Variants in MCTP1 observed in about 807,000 individuals in gnomAD.
The protein encoded by MCTP1 is multiple C2 and transmembrane domain-containing protein 1.
MCTP1 carries 69 observed loss-of-function variants against 120.6 expected under a neutral mutation model. The observed-to-expected ratio is 0.57, with a 90% CI of 0.47 to 0.70. The LOEUF is 0.70. Among genes scored for constraint, MCTP1 ranks in the 30% least tolerant of loss-of-function variants. The pLI is 0.00. For missense variants in MCTP1, 1,203 were observed against 1,248.8 expected (o/e 0.96, Z 0.55); for synonymous variants, 529 against 493.1 (o/e 1.07, Z -0.96).
chr5:95,089,951 T>C (rs1755716118), intron 1 of MCTP1, among the ~76,000 whole-genome samples: 1 of 152,182 alleles, frequency 6.6e-6, no homozygotes, highest in Non-Finnish European at 1.5e-5. Context: ...CCTGGTCTCA[T>C]TGTTGATTGA....
At chr5:95,114,890 G>C (rs1449035737) in intron 1 of MCTP1, among the ~76,000 whole-genome samples, 1 of 152,200 alleles carries the variant, frequency 6.6e-6, no homozygotes. Flanking sequence ...CACAGACACA[G>C]TGGTGCTTGT....
chr5:94,776,237 C>T (rs928666148), intron 19 of MCTP1, among the ~76,000 whole-genome samples: 1 of 152,046 alleles, frequency 6.6e-6, no homozygotes, highest in Non-Finnish European at 1.5e-5. Flanking sequence ...TCAGTTTATG[C>T]CCACACGGAC....
At chr5:95,210,747 T>C (rs1049315605) in intron 1 of MCTP1, among the ~76,000 whole-genome samples, 2 of 152,174 alleles carry the variant, frequency 1.3e-5, no homozygotes, top group African/African-American at 4.8e-5. Context: ...TGCTCGTTAG[T>C]TCACGCAGTT....
chr5:94,901,571 C>G (rs539645783), intron 10 of MCTP1, among the ~76,000 whole-genome samples: 9 of 152,044 alleles, frequency 5.9e-5, no homozygotes, highest in Admixed American at 3.3e-4. Flanking sequence ...GAACTTGAAC[C>G]ATGTTTCCTG....
intron 1 of MCTP1, among the ~76,000 whole-genome samples, chr5:95,150,290 G>A (rs188201602): frequency 6.6e-6 from 1 of 152,274 alleles, no homozygotes; most frequent in Non-Finnish European, 1.5e-5. Flanking sequence ...CTATAATTAT[G>A]TCTCTGCTGC....
intron 17 of MCTP1, among the ~76,000 whole-genome samples, chr5:94,804,306 C>T (rs901279023): frequency 5.3e-5 from 8 of 152,160 alleles, no homozygotes; most frequent in African/African-American, 1.9e-4. Flanking sequence ...ATTCTCTTTT[C>T]CTTTAGTCTC....
chr5:95,135,315 G>A (rs944331266), intron 1 of MCTP1, among the ~76,000 whole-genome samples: 1 of 152,170 alleles, frequency 6.6e-6, no homozygotes, highest in Non-Finnish European at 1.5e-5. Context: ...GGTGAATTGA[G>A]AATATTAATG....
chr5:95,210,249 C>T (rs150426130), intron 1 of MCTP1, among the ~76,000 whole-genome samples: 1 of 152,202 alleles, frequency 6.6e-6, no homozygotes, highest in African/African-American at 2.4e-5. Context: ...CTGTCTTGTT[C>T]ATCTGTCTAA....
At chr5:95,120,366 CAA>C (rs1420274299) in intron 1 of MCTP1, among the ~76,000 whole-genome samples, 2 of 151,810 alleles carry the variant, frequency 1.3e-5, no homozygotes, top group African/African-American at 4.8e-5. Flanking sequence ...CAAAATCAGA[CAA>C]AGACACATTA....
chr5:94,826,086 T>A, intron 17 of MCTP1: 1 of 306,706 alleles, frequency 3.3e-6, no homozygotes. Context: ...AGGAAGTTAT[T>A]TGCTTCTGTG....
intron 2 of MCTP1, among the ~76,000 whole-genome samples, chr5:94,996,531 A>G (rs1232839728): frequency 6.6e-6 from 1 of 152,158 alleles, no homozygotes; most frequent in African/African-American, 2.4e-5. Flanking sequence ...ATTTGCATAT[A>G]TCCTACACGC....
intron 8 of MCTP1, among the ~76,000 whole-genome samples, chr5:94,916,814 G>C (rs1810187386): frequency 6.6e-6 from 1 of 152,212 alleles, no homozygotes; most frequent in South Asian, 2.1e-4. Context: ...TCTGGGAGTG[G>C]AGCCAGGCAT....
chr5:94,972,353 C>G (rs1451233675), intron 2 of MCTP1, among the ~76,000 whole-genome samples: 2 of 152,136 alleles, frequency 1.3e-5, no homozygotes, highest in Non-Finnish European at 2.9e-5. Context: ...GAACCCTTAA[C>G]AGCCATTTTC....
At position 95,140,097 on chromosome 5, in the gene MCTP1, C is replaced by T. The variant is rs143824927; in HGVS notation, c.721-122613G>A. Among the ~76,000 whole-genome samples the T allele has an allele frequency of 5.4e-3, 820 of 152,296 alleles. 13 individuals carry two copies. In the Middle Eastern group the frequency reaches 0.054, roughly 10 times the overall value. ...ATGACACTCATGCTTCCAATGCAGA[C>T]AAGATTTGGAATTGCAGAAAAGGCA... On this transcript the variant is annotated intron_variant, in intron 1 of 22. Coordinates refer to ENST00000515393, the MANE Select transcript of MCTP1 (RefSeq NM_024717.7).
At position 95,128,875 on chromosome 5, in the gene MCTP1, C is replaced by T. The variant is rs148040543; in HGVS notation, c.721-111391G>A. On this transcript the variant is annotated intron_variant, in intron 1 of 22. Transcript: ENST00000515393. ...AAAGCTGTTTACAAAAAAGTGTGGA[C>T]GAGAGCCCTTTCAACAATAACAATG... Among the ~76,000 whole-genome samples, 103 of 152,224 alleles carry T rather than the reference C, an allele frequency of 6.8e-4. 1 individual carries two copies. The highest frequency in any genetic ancestry group is 1.2e-3 in the African/African-American group (49 of 41,536).
At chr5:94,752,414 C>A (rs1314955248) in intron 19 of MCTP1, among the ~76,000 whole-genome samples, 1 of 151,810 alleles carries the variant, frequency 6.6e-6, no homozygotes, top group Non-Finnish European at 1.5e-5. Context: ...TAAGTATGCC[C>A]CTTGTACATA....
At chr5:95,157,750 T>C (rs1163593593) in intron 1 of MCTP1, among the ~76,000 whole-genome samples, 6 of 152,238 alleles carry the variant, frequency 3.9e-5, no homozygotes, top group Admixed American at 3.3e-4. Flanking sequence ...TATGATTACA[T>C]GGAGCAGGGA....
intron 17 of MCTP1, among the ~76,000 whole-genome samples, chr5:94,864,239 C>A (rs1796369758): frequency 6.6e-6 from 1 of 151,826 alleles, no homozygotes; most frequent in Admixed American, 6.6e-5. Flanking sequence ...TATTTTATGA[C>A]TAACAGTTAA....
At chr5:95,212,892 C>T (rs1381346787) in intron 1 of MCTP1, among the ~76,000 whole-genome samples, 1 of 152,142 alleles carries the variant, frequency 6.6e-6, no homozygotes, top group African/African-American at 2.4e-5. Context: ...CTATGACAAA[C>T]CCACAGCCAA....
Sources: gnomAD v4.1 joint callset for allele counts (sites outside exome capture counted in the v4.1 genomes callset) on GRCh38, gnomAD v4.1.1 for gene constraint, MANE v1.5 for transcripts, NCBI Gene and HGNC (gene_info 2026-07-23, HGNC 2026-07-21) for gene names.